Variants in HDGFL3 observed in about 807,000 individuals in gnomAD.
HDGFL3 encodes the protein hepatoma-derived growth factor-related protein 3.
HDGFL3 carries 6 observed loss-of-function variants against 27.6 expected under a neutral mutation model. The ratio of observed to expected loss-of-function variants is 0.22; its 90% CI spans 0.12 to 0.43. HDGFL3 has a LOEUF of 0.43. Among genes scored for constraint, HDGFL3 ranks in the 20% least tolerant of loss-of-function variants. The probability of loss-of-function intolerance (pLI) is 1.00; values close to 1 mark genes in which losing one functional copy is unlikely to be tolerated. For missense variants in HDGFL3, 207 were observed against 250.1 expected (o/e 0.83, Z 1.16); for synonymous variants, 88 against 88.9 (o/e 0.99, Z 0.05).
intron 1 of HDGFL3, among the ~76,000 whole-genome samples, chr15:83,173,543 T>TA (rs1264516178): frequency 3.9e-5 from 6 of 152,232 alleles, no homozygotes; most frequent in Non-Finnish European, 8.8e-5. Flanking sequence ...TAGCTACTTT[T>TA]ACCAATATGT....
At chr15:83,195,333 G>T (rs1022721318) in intron 1 of HDGFL3, among the ~76,000 whole-genome samples, 1 of 151,862 alleles carries the variant, frequency 6.6e-6, no homozygotes, top group African/African-American at 2.4e-5. Flanking sequence ...TTCCAACAAA[G>T]GTTTTTTAAT....
intron 5 of HDGFL3, among the ~76,000 whole-genome samples, chr15:83,147,607 T>C (rs1018848574): frequency 7.9e-5 from 12 of 152,142 alleles, no homozygotes; most frequent in African/African-American, 2.9e-4. Context: ...GAGTGTGGTA[T>C]TGACCAACAG....
At chr15:83,171,975 AAATTT>A (rs2037252104) in intron 1 of HDGFL3, among the ~76,000 whole-genome samples, 1 of 152,224 alleles carries the variant, frequency 6.6e-6, no homozygotes, top group African/African-American at 2.4e-5. Context: ...ATGGCAATTT[AAATTT>A]ATCAACAAAA....
intron 5 of HDGFL3, among the ~76,000 whole-genome samples, chr15:83,148,715 C>G (rs1438754495): frequency 6.6e-6 from 1 of 151,978 alleles, no homozygotes; most frequent in Admixed American, 6.6e-5. Context: ...GTGGTATACC[C>G]ATAAAACTGA....
intron 1 of HDGFL3, among the ~76,000 whole-genome samples, chr15:83,180,468 G>A (rs2037366971): frequency 6.6e-6 from 1 of 151,978 alleles, no homozygotes; most frequent in Non-Finnish European, 1.5e-5. Flanking sequence ...ACCCTAACAT[G>A]TGATGTTGTT....
chr15:83,186,182 C>T (rs1217805438), intron 1 of HDGFL3: 1 of 152,224 alleles, frequency 6.6e-6, no homozygotes, highest in African/African-American at 2.4e-5. Flanking sequence ...TCCAGAAACA[C>T]AGAAATCGTG....
At chr15:83,147,805 G>T (rs1277698288) in intron 5 of HDGFL3, among the ~76,000 whole-genome samples, 1 of 152,180 alleles carries the variant, frequency 6.6e-6, no homozygotes, top group Non-Finnish European at 1.5e-5. Context: ...AATTTAAAAA[G>T]TCTGATTGCT....
At chr15:83,191,557 T>C (rs2037510891) in intron 1 of HDGFL3, among the ~76,000 whole-genome samples, 2 of 152,242 alleles carry the variant, frequency 1.3e-5, no homozygotes, top group African/African-American at 4.8e-5. Flanking sequence ...CCCAATTTTT[T>C]ATTGGAAACA....
At chr15:83,155,860 T>C (rs754965683) in intron 4 of HDGFL3, among the ~76,000 whole-genome samples, 2 of 152,206 alleles carry the variant, frequency 1.3e-5, no homozygotes, top group Non-Finnish European at 2.9e-5. Context: ...GTACCAATCT[T>C]TGGTCTTCAA....
chr15:83,200,044 C>CAAA (rs796608256), intron 1 of HDGFL3, among the ~76,000 whole-genome samples: 3 of 83,752 alleles, frequency 3.6e-5, no homozygotes, highest in Admixed American at 1.4e-4. Context: ...AACTCCATCT[C>CAAA]AAAAAAAAAA....
At chr15:83,202,540 T>G (rs911895930) in intron 1 of HDGFL3, among the ~76,000 whole-genome samples, 1 of 151,932 alleles carries the variant, frequency 6.6e-6, no homozygotes, top group Non-Finnish European at 1.5e-5. Flanking sequence ...TTGGTAGGAG[T>G]GAGGACTCGA....
chr15:83,169,788 A>G (rs2037222952), intron 1 of HDGFL3, among the ~76,000 whole-genome samples: 1 of 152,216 alleles, frequency 6.6e-6, no homozygotes, highest in South Asian at 2.1e-4. Context: ...TGACAGAGCA[A>G]GAGTCCATCT....
chr15:83,166,902 C>A (rs2037177536), intron 1 of HDGFL3, among the ~76,000 whole-genome samples: 1 of 152,198 alleles, frequency 6.6e-6, no homozygotes, highest in Non-Finnish European at 1.5e-5. Flanking sequence ...TCCCACCAGG[C>A]TCCTCCTCCA....
At chr15:83,170,889 AAAC>A (rs2037238103) in intron 1 of HDGFL3, among the ~76,000 whole-genome samples, 1 of 151,270 alleles carries the variant, frequency 6.6e-6, no homozygotes, top group African/African-American at 2.4e-5. Context: ...AAAAAAAAAA[AAAC>A]AAATAATCTC....
At chr15:83,200,334 CA>C (rs1160913925) in intron 1 of HDGFL3, among the ~76,000 whole-genome samples, 1,358 of 132,606 alleles carry the variant, frequency 0.01, 15 homozygotes, top group African/African-American at 0.031. Context: ...GACTCCATCT[CA>C]AAAAAAAAAA....
chr15:83,183,678 C>T (rs1037506822), intron 1 of HDGFL3, among the ~76,000 whole-genome samples: 12 of 150,844 alleles, frequency 8.0e-5, no homozygotes, highest in African/African-American at 1.2e-4. Context: ...ACTCAGGAGG[C>T]GGAGGCGGAG....
At chr15:83,173,027 T>C (rs915402758) in intron 1 of HDGFL3, among the ~76,000 whole-genome samples, 10 of 152,302 alleles carry the variant, frequency 6.6e-5, no homozygotes, top group Admixed American at 5.2e-4. Context: ...AATCCTGTGT[T>C]GTTCAAGAGT....
chr15:83,119,554 A>T, intron 3 of HDGFL3: 2 of 1,612,620 alleles, frequency 1.2e-6, no homozygotes, highest in Non-Finnish European at 1.7e-6. Flanking sequence ...TTTAAAGTGG[A>T]CTTCTTTTTA....
intron 1 of HDGFL3, chr15:83,186,029 G>A (rs11633663): frequency 6.6e-6 from 1 of 152,234 alleles, no homozygotes; most frequent in African/African-American, 2.4e-5. Context: ...GAGGCCCTTA[G>A]GCCAACAACC....
Sources: gnomAD v4.1 joint callset for allele counts (sites outside exome capture counted in the v4.1 genomes callset) on GRCh38, gnomAD v4.1.1 for gene constraint, MANE v1.5 for transcripts, NCBI Gene and HGNC (gene_info 2026-07-23, HGNC 2026-07-21) for gene names.